C3orf70: variants seen among roughly 807,000 people sequenced by gnomAD.
C3orf70 encodes the protein UPF0524 protein C3orf70.
Under a neutral mutation model 20.7 loss-of-function variants are expected in C3orf70, and 15 were observed. The observed-to-expected ratio is 0.72, with a 90% confidence interval of 0.48 to 1.11. The LOEUF is 1.11. Among genes scored for constraint, C3orf70 ranks in the 50% most tolerant of loss-of-function variants. The pLI is 0.00. For missense variants in C3orf70, 332 were observed against 317.6 expected, an observed-to-expected ratio of 1.05 and a Z score of -0.34; for synonymous variants, 161 against 125.7, an observed-to-expected ratio of 1.28 and a Z score of -1.88.
At chr3:185,101,812 T>G (rs1715829223) in intron 1 of C3orf70, among the ~76,000 whole-genome samples, 1 of 152,064 alleles carries the variant, frequency 6.6e-6, no homozygotes. Context: ...CTACATGAGA[T>G]TTGGGTGGGG....
chr3:185,141,013 T>C (rs1199491220), intron 1 of C3orf70, among the ~76,000 whole-genome samples: 1 of 150,318 alleles, frequency 6.7e-6, no homozygotes, highest in African/African-American at 2.4e-5. Flanking sequence ...CAGAAAGTGC[T>C]CTATCCCTCT....
intron 1 of C3orf70, among the ~76,000 whole-genome samples, chr3:185,110,565 G>A (rs2108595700): frequency 6.6e-6 from 1 of 150,950 alleles, no homozygotes; most frequent in Non-Finnish European, 1.5e-5. Context: ...TCAAAATCTG[G>A]CCATAAACTG....
At chr3:185,124,090 C>T (rs1006420650) in intron 1 of C3orf70, among the ~76,000 whole-genome samples, 2 of 152,154 alleles carry the variant, frequency 1.3e-5, no homozygotes, top group African/African-American at 2.4e-5. Context: ...GTTTCCATAG[C>T]ATTTACATTG....
At chr3:185,096,045 T>A (rs887005351) in intron 1 of C3orf70, among the ~76,000 whole-genome samples, 1 of 152,184 alleles carries the variant, frequency 6.6e-6, no homozygotes, top group African/African-American at 2.4e-5. Context: ...AAAACTTCAT[T>A]TTTTAATAAC....
At chr3:185,091,567 G>A (rs1715570022) in intron 1 of C3orf70, among the ~76,000 whole-genome samples, 1 of 152,090 alleles carries the variant, frequency 6.6e-6, no homozygotes, top group African/African-American at 2.4e-5. Flanking sequence ...TAAGTCCCAT[G>A]GCTTAGAAGA....
chr3:185,102,975 T>G (rs1286823223), intron 1 of C3orf70, among the ~76,000 whole-genome samples: 1 of 152,128 alleles, frequency 6.6e-6, no homozygotes, highest in Non-Finnish European at 1.5e-5. Context: ...GGCATGGCAG[T>G]GGCTCATGCC....
At chr3:185,093,665 G>A (rs1347095017) in intron 1 of C3orf70, among the ~76,000 whole-genome samples, 1 of 152,138 alleles carries the variant, frequency 6.6e-6, no homozygotes, top group Non-Finnish European at 1.5e-5. Context: ...AGAAAAGTGA[G>A]GGCTGGAAGG....
intron 1 of C3orf70, 34 bp from the exon 2 acceptor site, chr3:185,083,597 AT>A: frequency 6.6e-7 from 1 of 1,516,478 alleles, no homozygotes; most frequent in Non-Finnish European, 8.8e-7. Flanking sequence ...TGAAATCTAT[AT>A]TACACAAACT....
chr3:185,125,955 G>A (rs1577330140), intron 1 of C3orf70, among the ~76,000 whole-genome samples: 1 of 152,194 alleles, frequency 6.6e-6, no homozygotes, highest in East Asian at 1.9e-4. Context: ...GGAATATTCT[G>A]CACTTTGATG....
At chr3:185,149,104 C>T (rs1265676968) in intron 1 of C3orf70, among the ~76,000 whole-genome samples, 2 of 152,090 alleles carry the variant, frequency 1.3e-5, no homozygotes, top group African/African-American at 4.8e-5. Context: ...AAAGTAAATA[C>T]AGTATGGGCT....
At chr3:185,109,015 T>C (rs6784686) in intron 1 of C3orf70, among the ~76,000 whole-genome samples, 32,923 of 152,148 alleles carry the variant, frequency 0.22, 3,997 homozygotes, top group East Asian at 0.52. Flanking sequence ...TTTTTCTCTA[T>C]GTGGAATATT....
At chr3:185,150,251 C>G (rs1218448886) in intron 1 of C3orf70, among the ~76,000 whole-genome samples, 1 of 152,172 alleles carries the variant, frequency 6.6e-6, no homozygotes. Flanking sequence ...CAGTTCTACC[C>G]GCAAGCTTCA....
intron 1 of C3orf70, among the ~76,000 whole-genome samples, chr3:185,121,424 T>C (rs932642176): frequency 1.3e-5 from 2 of 150,996 alleles, no homozygotes; most frequent in Admixed American, 6.6e-5. Flanking sequence ...CTAGATAGCA[T>C]AGCCAGGAAA....
At chr3:185,144,817 C>A (rs1241304854) in intron 1 of C3orf70, among the ~76,000 whole-genome samples, 1 of 152,206 alleles carries the variant, frequency 6.6e-6, no homozygotes, top group Non-Finnish European at 1.5e-5. Context: ...GGTAGGATTT[C>A]TTTAAGAGAT....
chr3:185,149,011 C>G (rs1223778808), intron 1 of C3orf70, among the ~76,000 whole-genome samples: 2 of 152,168 alleles, frequency 1.3e-5, no homozygotes, highest in Admixed American at 6.5e-5. Context: ...TCAGGATAAT[C>G]CTCTCATTTT....
rs1717017026 is a variant in C3orf70, at chr3:185,152,665, G to A, written c.159C>T (p.Phe53=). ...CTAGGTGACAGCACCAGTGCAGCTTGAAGCACTTGCCATGGCTGTGCGTGG... is the reference window on the plus strand; with the variant it reads ...CTAGGTGACAGCACCAGTGCAGCTTAAAGCACTTGCCATGGCTGTGCGTGG... ...ICATHSHGKC[F]KLHWCCHLGW... is the part of the protein sequence containing the mutation. Residue 53 remains phenylalanine (F), a synonymous_variant, in exon 1 of 2, where the codon TTC becomes TTT. Coordinates refer to ENST00000335012, the MANE Select transcript of C3orf70 (RefSeq NM_001025266.3). 6.3e-7 allele frequency: 1 copy of A among 1,591,788 alleles called. No homozygotes were observed. Among genetic ancestry groups the A allele is most frequent in the Non-Finnish European group, 8.6e-7 (1 of 1,169,220 alleles).
chr3:185,090,100 G>C (rs1034491096), intron 1 of C3orf70, among the ~76,000 whole-genome samples: 4 of 152,110 alleles, frequency 2.6e-5, no homozygotes, highest in Non-Finnish European at 5.9e-5. Context: ...TCTTTCCTCA[G>C]GAAGATACCC....
At chr3:185,131,175 G>A (rs1372628243) in intron 1 of C3orf70, among the ~76,000 whole-genome samples, 4 of 152,056 alleles carry the variant, frequency 2.6e-5, no homozygotes, top group Admixed American at 6.6e-5. Context: ...TATTCATTAC[G>A]GCTTTAAAAT....
chr3:185,103,028 T>A (rs1715852854), intron 1 of C3orf70, among the ~76,000 whole-genome samples: 1 of 152,148 alleles, frequency 6.6e-6, no homozygotes, highest in Non-Finnish European at 1.5e-5. Flanking sequence ...GTGGATCACC[T>A]GAGGTCAGGG....
Sources: allele counts gnomAD v4.1 joint callset (sites outside exome capture counted in the v4.1 genomes callset), GRCh38; gene constraint gnomAD v4.1.1; transcripts MANE v1.5; gene names NCBI Gene and HGNC (gene_info 2026-07-23, HGNC 2026-07-21).